Variants in LRRC4C observed in about 807,000 individuals in gnomAD.
The protein encoded by LRRC4C is leucine-rich repeat-containing protein 4C.
In LRRC4C, 5 loss-of-function variants were observed where a neutral mutation model predicts 33.6. That is an observed-to-expected ratio of 0.15 (90% CI 0.08 to 0.31). The LOEUF (loss-of-function observed/expected upper bound fraction) is 0.31. Among genes scored for constraint, LRRC4C ranks in the 10% least tolerant of loss-of-function variants. LRRC4C has a pLI of 1.00. For synonymous variants in LRRC4C, 329 were observed against 302.0 expected (o/e 1.09, Z -0.93); for missense variants, 560 against 796.7 (o/e 0.70, Z 3.58).
At chr11:41,436,894 A>C (rs565533077) in intron 1 of LRRC4C, among the ~76,000 whole-genome samples, 1 of 152,338 alleles carries the variant, frequency 6.6e-6, no homozygotes, top group South Asian at 2.1e-4. Flanking sequence ...GGAAAGAAAC[A>C]ATCACCAATA....
At chr11:41,283,674 A>C (rs12226722) in intron 1 of LRRC4C, among the ~76,000 whole-genome samples, 1 of 152,310 alleles carries the variant, frequency 6.6e-6, no homozygotes, top group South Asian at 2.1e-4. Context: ...AGAGTGCAGT[A>C]GTTGTGCCAG....
chr11:41,103,539 T>C (rs1306913884), intron 1 of LRRC4C, among the ~76,000 whole-genome samples: 1 of 150,856 alleles, frequency 6.6e-6, no homozygotes, highest in Non-Finnish European at 1.5e-5. Flanking sequence ...CCAACTGGTA[T>C]AGACATAGAA....
intron 1 of LRRC4C, among the ~76,000 whole-genome samples, chr11:41,044,935 C>T (rs958057215): frequency 2.0e-5 from 3 of 152,130 alleles, no homozygotes; most frequent in African/African-American, 7.2e-5. Context: ...TGCCTGAGGC[C>T]TATTACTCTT....
intron 3 of LRRC4C, among the ~76,000 whole-genome samples, chr11:40,605,879 G>T (rs1449558080): frequency 6.6e-6 from 1 of 152,140 alleles, no homozygotes; most frequent in Non-Finnish European, 1.5e-5. Flanking sequence ...TGGAAGTGTG[G>T]GTCCTACATT....
At chr11:40,221,228 G>A (rs901071664) in intron 5 of LRRC4C, among the ~76,000 whole-genome samples, 1 of 152,062 alleles carries the variant, frequency 6.6e-6, no homozygotes, top group African/African-American at 2.4e-5. Flanking sequence ...CACTACAATA[G>A]TCCTTGGCAT....
rs572608162 is a variant in LRRC4C, at chr11:41,134,310, A to G, written c.-495-200587T>C. Among the ~76,000 whole-genome samples, 222 of 152,202 alleles carry G rather than the reference A, an allele frequency of 1.5e-3. 1 individual carries two copies. The highest frequency in any genetic ancestry group is 5.1e-3 in the African/African-American group (212 of 41,550). On this transcript the variant is annotated intron_variant, in intron 1 of 6. Coordinates refer to ENST00000528697, the MANE Select transcript of LRRC4C (RefSeq NM_001258419.2). ...GTAGAGACAGACTCTCTCTGTGCTGAACAAGCTGGTCTCAAACTGCTAGCC... is the reference window on the plus strand; with the variant it reads ...GTAGAGACAGACTCTCTCTGTGCTGGACAAGCTGGTCTCAAACTGCTAGCC...
intron 5 of LRRC4C, among the ~76,000 whole-genome samples, chr11:40,175,383 G>A (rs750699358): frequency 8.5e-5 from 13 of 152,270 alleles, no homozygotes; most frequent in South Asian, 4.1e-4. Context: ...AAACCAGACC[G>A]GCTTGTCTCT....
At chr11:40,500,298 A>ATATG (rs1954692763) in intron 3 of LRRC4C, among the ~76,000 whole-genome samples, 1 of 35,924 alleles carries the variant, frequency 2.8e-5, no homozygotes, top group East Asian at 8.6e-4. Flanking sequence ...ATATATACAC[A>ATATG]CACACACACA....
At chr11:40,375,363 C>T (rs1301526108) in intron 3 of LRRC4C, among the ~76,000 whole-genome samples, 1 of 152,142 alleles carries the variant, frequency 6.6e-6, no homozygotes, top group Admixed American at 6.5e-5. Flanking sequence ...TGAATCTTCT[C>T]TTTAACAGCT....
intron 2 of LRRC4C, among the ~76,000 whole-genome samples, chr11:40,653,024 T>C (rs897992999): frequency 4.6e-5 from 7 of 152,212 alleles, no homozygotes; most frequent in African/African-American, 1.7e-4. Flanking sequence ...AAGCGGTGCC[T>C]TCTGCCATGA....
intron 1 of LRRC4C, among the ~76,000 whole-genome samples, chr11:41,019,699 T>C (rs1308996600): frequency 2.0e-5 from 3 of 152,208 alleles, no homozygotes; most frequent in African/African-American, 7.2e-5. Context: ...CCTGACTTTT[T>C]AATAATTGCC....
chr11:41,411,141 T>C (rs35441370), intron 1 of LRRC4C, among the ~76,000 whole-genome samples: 1 of 78,534 alleles, frequency 1.3e-5, no homozygotes, highest in African/African-American at 4.8e-5. Flanking sequence ...GTTGGTACCC[T>C]ATTTTTTTTT....
chr11:40,367,491 T>C (rs1948261583), intron 3 of LRRC4C, among the ~76,000 whole-genome samples: 1 of 152,112 alleles, frequency 6.6e-6, no homozygotes, highest in South Asian at 2.1e-4. Context: ...TTTTCTGTCT[T>C]ATTTTTTTCA....
At chr11:40,678,613 G>A (rs895296731) in intron 2 of LRRC4C, among the ~76,000 whole-genome samples, 1 of 152,092 alleles carries the variant, frequency 6.6e-6, no homozygotes, top group African/African-American at 2.4e-5. Flanking sequence ...TCTCCTTGCT[G>A]TTCTCATGAT....
intron 1 of LRRC4C, among the ~76,000 whole-genome samples, chr11:41,095,467 G>A (rs916992596): frequency 1.3e-5 from 2 of 152,260 alleles, no homozygotes; most frequent in Non-Finnish European, 2.9e-5. Context: ...AAACATGTAA[G>A]TCTCTTTCAC....
At chr11:41,074,968 C>T (rs1002050567) in intron 1 of LRRC4C, among the ~76,000 whole-genome samples, 2 of 149,820 alleles carry the variant, frequency 1.3e-5, no homozygotes, top group Non-Finnish European at 3.0e-5. Flanking sequence ...ATGCTGAATG[C>T]TTCAGTATTT....
At chr11:40,499,331 G>T (rs1010951266) in intron 3 of LRRC4C, among the ~76,000 whole-genome samples, 3 of 152,132 alleles carry the variant, frequency 2.0e-5, no homozygotes, top group African/African-American at 7.2e-5. Flanking sequence ...TACTGAGTCA[G>T]AAAATGTATC....
intron 1 of LRRC4C, among the ~76,000 whole-genome samples, chr11:41,415,266 C>G (rs1954633863): frequency 6.6e-6 from 1 of 152,172 alleles, no homozygotes; most frequent in South Asian, 2.1e-4. Context: ...CTGTAAGTGC[C>G]AGGTAGTTAT....
intron 2 of LRRC4C, among the ~76,000 whole-genome samples, chr11:40,807,047 T>C (rs7480771): frequency 6.6e-6 from 1 of 151,920 alleles, no homozygotes; most frequent in Non-Finnish European, 1.5e-5. Flanking sequence ...GTGCATGCTT[T>C]CTTTTGATTT....
Sources: allele counts gnomAD v4.1 joint callset (sites outside exome capture counted in the v4.1 genomes callset), GRCh38; gene constraint gnomAD v4.1.1; transcripts MANE v1.5; gene names NCBI Gene and HGNC (gene_info 2026-07-23, HGNC 2026-07-21).